The following CLNK variants were observed in gnomAD, a reference collection of about 807,000 sequenced individuals.
The protein encoded by CLNK is cytokine-dependent hematopoietic cell linker.
In CLNK, 74 loss-of-function variants were observed where a neutral mutation model predicts 68.6. That is an observed-to-expected ratio of 1.08 (90% CI 0.89 to 1.31). The LOEUF (loss-of-function observed/expected upper bound fraction) is 1.31. Among genes scored for constraint, CLNK ranks in the 50% most tolerant of loss-of-function variants. The pLI is 0.00. For missense variants in CLNK, 553 were observed against 515.3 expected, an observed-to-expected ratio of 1.07 and a Z score of -0.71; for synonymous variants, 198 against 172.2, an observed-to-expected ratio of 1.15 and a Z score of -1.17.
chr4:10,524,999 G>A (rs1718244563), intron 14 of CLNK, among the ~76,000 whole-genome samples: 1 of 152,164 alleles, frequency 6.6e-6, no homozygotes, highest in Non-Finnish European at 1.5e-5. Flanking sequence ...AATACTGGAG[G>A]CCCTGGATTT....
intron 12 of CLNK, among the ~76,000 whole-genome samples, chr4:10,528,764 C>T (rs1465266817): frequency 6.6e-6 from 1 of 152,094 alleles, no homozygotes; most frequent in Non-Finnish European, 1.5e-5. Flanking sequence ...ATATGATAAA[C>T]TATTAAAGGT....
At chr4:10,724,616 A>G in the CLNK span, among the ~76,000 whole-genome samples, 3 of 152,158 alleles carry the variant, frequency 2.0e-5, no homozygotes, top group Admixed American at 6.5e-5. Context: ...TCGTGTGAAT[A>G]AAAGAATAAA....
chr4:10,698,476 A>G, the CLNK span, among the ~76,000 whole-genome samples: 2 of 152,226 alleles, frequency 1.3e-5, no homozygotes, highest in Admixed American at 6.5e-5. Context: ...GTGACAATAT[A>G]TATAAAACAG....
At chr4:10,699,914 T>G in the CLNK span, among the ~76,000 whole-genome samples, 864 of 152,228 alleles carry the variant, frequency 5.7e-3, 7 homozygotes, top group African/African-American at 0.02. Context: ...TGGTATTATT[T>G]TTCATTGTTG....
chr4:10,496,297 G>C (rs1366836459), intron 18 of CLNK, among the ~76,000 whole-genome samples: 3 of 152,192 alleles, frequency 2.0e-5, no homozygotes, highest in African/African-American at 7.2e-5. Context: ...TTCTTTAATT[G>C]AACCGTGGCT....
In CLNK at chr4:10,595,716, C is replaced by T. The variant is rs570161933; in HGVS notation, c.83+2262G>A. On this transcript the variant is annotated intron_variant, in intron 3 of 18. Coordinates refer to ENST00000226951, the MANE Select transcript of CLNK (RefSeq NM_052964.4). ...TTGATATTAGTAATAATAATTACAG[C>T]TGCCATTTACCATATCACAACTAGC... Among the ~76,000 whole-genome samples, 3 of 152,254 alleles carry T rather than the reference C, an allele frequency of 2.0e-5. 1 individual carries two copies. Among genetic ancestry groups the T allele is most frequent in the Middle Eastern group, 6.8e-3 (2 of 294 alleles).
intron 4 of CLNK, among the ~76,000 whole-genome samples, chr4:10,576,783 T>G (rs890346194): frequency 3.0e-4 from 45 of 152,334 alleles, no homozygotes; most frequent in African/African-American, 1.1e-3. Flanking sequence ...CTGGTGACAT[T>G]TATTCACCTT....
the CLNK span, among the ~76,000 whole-genome samples, chr4:10,708,503 C>T: frequency 6.6e-6 from 1 of 152,066 alleles, no homozygotes; most frequent in Non-Finnish European, 1.5e-5. Flanking sequence ...AACCAGTGTA[C>T]ATAGATAGCA....
the CLNK span, among the ~76,000 whole-genome samples, chr4:10,704,938 G>A: frequency 5.9e-5 from 9 of 152,310 alleles, no homozygotes; most frequent in African/African-American, 2.2e-4. Flanking sequence ...AATGTGTCCA[G>A]TGGTACCAAT....
chr4:10,522,233 G>A (rs552280018), intron 14 of CLNK, among the ~76,000 whole-genome samples: 3 of 141,968 alleles, frequency 2.1e-5, no homozygotes, highest in African/African-American at 7.9e-5. Context: ...ACTCCAGCCT[G>A]GGCAACAGAG....
At position 10,508,622 on chromosome 4, in the gene CLNK, A is replaced by C. The variant is rs554480730; in HGVS notation, c.907-586T>G. On this transcript the variant is annotated intron_variant, in intron 16 of 18. Transcript: ENST00000226951. ...GGGAGAAGGAAGGGCAGTCAGGGAGATGCATCATGGACTTGCAATTCCTTC... is the reference window on the plus strand; with the variant it reads ...GGGAGAAGGAAGGGCAGTCAGGGAGCTGCATCATGGACTTGCAATTCCTTC... Among the ~76,000 whole-genome samples, 3 of 152,300 alleles carry C rather than the reference A, an allele frequency of 2.0e-5. No homozygotes were observed. In the East Asian group the frequency reaches 5.8e-4, roughly 29 times the overall value.
In CLNK at chr4:10,620,431, A is replaced by G. The variant is rs542528583; in HGVS notation, c.12-22382T>C. On this transcript the variant is annotated intron_variant, in intron 2 of 18. Transcript: ENST00000226951. ...TCAGGCACTGACTTAACTGTCAAAC[A>G]ATCGTCACTGATTTTATCTAAGCCA... 4.9e-4 allele frequency among the ~76,000 whole-genome samples: 75 copies of G among 152,274 alleles called. No individual in the cohort carries two copies. The South Asian group carries it at 0.015, about 30-fold the overall frequency.
At chr4:10,616,167 C>G (rs1389797381) in intron 2 of CLNK, among the ~76,000 whole-genome samples, 1 of 152,220 alleles carries the variant, frequency 6.6e-6, no homozygotes, top group Non-Finnish European at 1.5e-5. Flanking sequence ...TCTATTTTAT[C>G]TGAATGGTGG....
In CLNK at chr4:10,566,124, A is replaced by G. The variant is rs1371797600; in HGVS notation, c.177T>C (p.Asp59=). 1 of 1,613,826 alleles carries G rather than the reference A, an allele frequency of 6.2e-7. No individual in the cohort carries two copies. Among genetic ancestry groups the G allele is most frequent in the Admixed American group, 1.7e-5 (1 of 60,014 alleles). Residue 59 remains aspartate (D), a synonymous_variant, in exon 6 of 19, where the codon GAT becomes GAC. Coordinates refer to ENST00000226951, the MANE Select transcript of CLNK (RefSeq NM_052964.4). Reference sequence around the variant, plus strand: ...CATCATCACTGTGGCCTTTTGCTCCATCCAGGACTGCAGCAAAGTTTCTTT... The same window carrying G: ...CATCATCACTGTGGCCTTTTGCTCCGTCCAGGACTGCAGCAAAGTTTCTTT... ...DWERNFAAVL[D]GAKGHSDDDY...
intron 2 of CLNK, among the ~76,000 whole-genome samples, chr4:10,616,538 T>C (rs1722232502): frequency 1.3e-5 from 2 of 152,124 alleles, no homozygotes; most frequent in African/African-American, 4.8e-5. Flanking sequence ...GTTTTACTCA[T>C]TAATACAAAG....
chr4:10,562,537 C>A (rs1010028813), intron 7 of CLNK, among the ~76,000 whole-genome samples: 10 of 152,120 alleles, frequency 6.6e-5, no homozygotes, highest in South Asian at 2.1e-4. Context: ...TCCTGAGTAG[C>A]TGGGACTACA....
chr4:10,629,468 G>C lies in CLNK; in HGVS notation c.12-31419C>G, dbSNP rs572461260. Among the ~76,000 whole-genome samples, 10 of 152,272 alleles carry C rather than the reference G, an allele frequency of 6.6e-5. No homozygotes were observed. In the East Asian group the frequency reaches 1.9e-3, roughly 29 times the overall value. Reference sequence around the variant, plus strand: ...AGGCCATGGGGTGTTCACAGATGAGGCCCCCTGATATTTACATGTCTTAGG... The same window carrying C: ...AGGCCATGGGGTGTTCACAGATGAGCCCCCCTGATATTTACATGTCTTAGG... On this transcript the variant is annotated intron_variant, in intron 2 of 18. Coordinates refer to ENST00000226951, the MANE Select transcript of CLNK (RefSeq NM_052964.4).
intron 18 of CLNK, among the ~76,000 whole-genome samples, chr4:10,496,070 G>T (rs1434108544): frequency 1.3e-5 from 2 of 152,192 alleles, no homozygotes; most frequent in Non-Finnish European, 2.9e-5. Flanking sequence ...TTCTGGGGAA[G>T]GGAATACTTA....
the CLNK span, among the ~76,000 whole-genome samples, chr4:10,711,611 T>G: frequency 2.0e-5 from 3 of 147,354 alleles, no homozygotes; most frequent in African/African-American, 7.5e-5. Context: ...ATAAAAAAAC[T>G]TAAATATTGA....
Sources: gnomAD v4.1 joint callset for allele counts (sites outside exome capture counted in the v4.1 genomes callset) on GRCh38, gnomAD v4.1.1 for gene constraint, MANE v1.5 for transcripts, NCBI Gene and HGNC (gene_info 2026-07-23, HGNC 2026-07-21) for gene names.